Variants in MAX observed in about 807,000 individuals in gnomAD.
The protein encoded by MAX is MYC associated transcriptional regulator X.
A neutral mutation model predicts 22.3 loss-of-function variants in MAX; 3 were observed. The ratio of observed to expected loss-of-function variants is 0.13; its 90% CI spans 0.06 to 0.35. The LOEUF (loss-of-function observed/expected upper bound fraction) is 0.35, where lower values mean the gene tolerates loss of function less well. Ranked by LOEUF, MAX falls within the 10% of genes least tolerant of loss-of-function variation. The pLI is 1.00. For synonymous variants in MAX, 72 were observed against 77.7 expected, an observed-to-expected ratio of 0.93 and a Z score of 0.39; for missense variants, 119 against 209.4, an observed-to-expected ratio of 0.57 and a Z score of 2.66.
chr14:65,076,116 T>C lies in MAX; in HGVS notation c.*360A>G. The C allele has an allele frequency of 7.8e-7, 1 of 1,289,256 alleles. No individual in the cohort carries two copies. Among genetic ancestry groups the C allele is most frequent in the East Asian group, 3.3e-5 (1 of 30,284 alleles). The allele number at this position is 1,289,256 out of a possible 1,614,324, so 79.9% of individuals were successfully genotyped here. A position where few individuals can be genotyped will look rare whatever the true frequency, so the allele number is the denominator to read the frequency against. On this transcript the variant is annotated 3_prime_UTR_variant, in exon 5 of 5. Transcript: ENST00000358664. The surrounding 1 kb of genome is among the most constrained non-coding windows in gnomAD (Gnocchi z 6.6). Reference sequence around the variant, plus strand: ...GCAGGGCAGGCGTCCCCCGGGCATGTGCCCGGCAGGGCTGGAGGAGCTGGT... The same window carrying C: ...GCAGGGCAGGCGTCCCCCGGGCATGCGCCCGGCAGGGCTGGAGGAGCTGGT...
chr14:65,077,264 G>A lies in MAX; in HGVS notation c.296-601C>T. The A allele has an allele frequency of 8.9e-7, 1 of 1,118,028 alleles. No individual in the cohort carries two copies. Among genetic ancestry groups the A allele is most frequent in the Non-Finnish European group, 1.3e-6 (1 of 755,750 alleles). 69.3% of individuals were successfully genotyped at this position (1,118,028 alleles called of 1,614,324 possible). ...ACTGCCCATCCCTTGGTTCAGCTCA[G>A]CTTGAGCCTGGAAGGTCAACCCATT... On this transcript the variant is annotated intron_variant, in intron 4 of 4. Coordinates refer to ENST00000358664, the MANE Select transcript of MAX (RefSeq NM_002382.5). This position sits in a 1 kb window ranked among gnomAD's most constrained non-coding sequence, Gnocchi z 6.3.
chr14:65,052,477 T>G (rs2062638401), intron 3 of MAX, among the ~76,000 whole-genome samples: 2 of 152,254 alleles, frequency 1.3e-5, no homozygotes, highest in African/African-American at 4.8e-5. Context: ...TATATATATT[T>G]TTAATCGATT....
At position 65,076,467 on chromosome 14, in the gene MAX, C is replaced by T; in HGVS notation, c.*9G>A. ...AGACAGTTTTTATTGCTGGCCTGCC[C>T]CGAGTGGCTTAGCTGGCCTCCATCC... On this transcript the variant is annotated 3_prime_UTR_variant, in exon 5 of 5. Coordinates refer to ENST00000358664, the MANE Select transcript of MAX (RefSeq NM_002382.5). The surrounding 1 kb of genome is among the most constrained non-coding windows in gnomAD (Gnocchi z 6.6). 6.2e-7 allele frequency: 1 copy of T among 1,612,960 alleles called. No individual in the cohort carries two copies.
At chr14:65,101,439 G>A (rs1025764494) in intron 2 of MAX, 107 bp downstream of exon 2, 1 of 1,065,384 alleles carries the variant, frequency 9.4e-7, no homozygotes, top group Admixed American at 2.2e-5. Flanking sequence ...TAACATTAGA[G>A]TTTACTACAA....
intron 3 of MAX, among the ~76,000 whole-genome samples, chr14:65,035,425 CT>C (rs2062166334): frequency 6.6e-6 from 1 of 152,192 alleles, no homozygotes; most frequent in Non-Finnish European, 1.5e-5. Flanking sequence ...GGGGGGTTGA[CT>C]GGTTAGGCAC....
Position 65,028,184 on chromosome 14 carries a change from A to C in MAX, c.172-21900T>G, listed in dbSNP as rs2062018123. On this transcript the variant is annotated intron_variant, in intron 3 of 3. Transcript: ENST00000341653. This position sits in a 1 kb window ranked among gnomAD's most constrained non-coding sequence, Gnocchi z 4.4. The stretch of plus-strand genomic sequence containing the variant: ...GAGTGAATTTGATGAAATCATGAGA[A>C]TGTCTAATCCCTGAGGTCCTCCTGA... 6.6e-6 allele frequency among the ~76,000 whole-genome samples: 1 copy of C among 152,146 alleles called. No individual in the cohort carries two copies.
At chr14:65,043,500 G>C (rs1198527280) in intron 3 of MAX, among the ~76,000 whole-genome samples, 6 of 152,296 alleles carry the variant, frequency 3.9e-5, no homozygotes, top group South Asian at 2.1e-4. Context: ...CCAAGTAAAA[G>C]TCAGGAGCAG....
chr14:65,060,812 G>A (rs1320402268), intron 3 of MAX, among the ~76,000 whole-genome samples: 1 of 146,726 alleles, frequency 6.8e-6, no homozygotes, highest in Non-Finnish European at 1.5e-5. Context: ...GGCAGAGGTT[G>A]CAGTGAGCTA....
chr14:65,027,669 C>A lies in MAX; in HGVS notation c.172-21385G>T. On this transcript the variant is annotated intron_variant, in intron 3 of 3. Transcript: ENST00000341653. This position sits in a 1 kb window ranked among gnomAD's most constrained non-coding sequence, Gnocchi z 5.7. ...GCCTGCTGACACGCACTGACTGTTG[C>A]CTCTCCTACCTCTTTCCCTGTTTCT... 6.2e-7 allele frequency: 1 copy of A among 1,614,126 alleles called. No homozygotes were observed. Among genetic ancestry groups the A allele is most frequent in the Non-Finnish European group, 8.5e-7 (1 of 1,180,000 alleles).
chr14:65,093,443 A>G lies in MAX; in HGVS notation c.171+265T>C, dbSNP rs189340906. 8.4e-6 allele frequency: 4 copies of G among 478,408 alleles called. No homozygotes were observed. In the East Asian group the frequency reaches 1.2e-4, roughly 14 times the overall value. 29.6% of individuals were successfully genotyped at this position (478,408 alleles called of 1,614,324 possible). On this transcript the variant is annotated intron_variant, in intron 3 of 4. Transcript: ENST00000358664. This position sits in a 1 kb window ranked among gnomAD's most constrained non-coding sequence, Gnocchi z 4.4. ...TATAGTGTATAGTTATAATTTCTTG[A>G]ATTTATTACAAATAATACAAATTTT...
chr14:65,043,343 G>T (rs1566568131), intron 3 of MAX, among the ~76,000 whole-genome samples: 1 of 152,180 alleles, frequency 6.6e-6, no homozygotes, highest in Non-Finnish European at 1.5e-5. Context: ...TCAAGACCAA[G>T]ACCTATTTTA....
chr14:65,098,555 C>T (rs563681983), intron 2 of MAX, among the ~76,000 whole-genome samples: 1 of 152,320 alleles, frequency 6.6e-6, no homozygotes, highest in African/African-American at 2.4e-5. Flanking sequence ...TATACTTACA[C>T]TCTTTCCTAA....
At chr14:65,033,533 A>G (rs563840969) in intron 3 of MAX, among the ~76,000 whole-genome samples, 5 of 152,320 alleles carry the variant, frequency 3.3e-5, no homozygotes, top group Non-Finnish European at 7.3e-5. Flanking sequence ...TGTTTGCTGT[A>G]CTTTCCTGGA....
chr14:65,041,998 A>C (rs572802658), intron 3 of MAX, among the ~76,000 whole-genome samples: 1 of 152,230 alleles, frequency 6.6e-6, no homozygotes, highest in African/African-American at 2.4e-5. Flanking sequence ...TTTTAGCTTG[A>C]TATTTTTTTC....
At chr14:65,022,565 C>T (rs558089609) in intron 3 of MAX, among the ~76,000 whole-genome samples, 1 of 152,014 alleles carries the variant, frequency 6.6e-6, no homozygotes, top group Non-Finnish European at 1.5e-5. Context: ...TAAGGTCTCG[C>T]TGTATTGCCT....
At position 65,076,469 on chromosome 14, in the gene MAX, G is replaced by A. The variant is rs199514174; in HGVS notation, c.*7C>T. On this transcript the variant is annotated 3_prime_UTR_variant, in exon 5 of 5. Transcript: ENST00000358664. This position sits in a 1 kb window ranked among gnomAD's most constrained non-coding sequence, Gnocchi z 6.6. ...ACAGTTTTTATTGCTGGCCTGCCCC[G>A]AGTGGCTTAGCTGGCCTCCATCCGG... The A allele has an allele frequency of 6.9e-4, 1,118 of 1,613,044 alleles. No homozygotes were observed. Among genetic ancestry groups the A allele is most frequent in the Non-Finnish European group, 9.1e-4 (1,077 of 1,180,016 alleles).
In MAX at chr14:65,084,019, G is replaced by A; in HGVS notation, c.172-5983C>T. ...CTGGAAGGTTGTAAGGCCAGAGTCA[G>A]CACAGACCCATGGCTCCTTGAAGGC... On this transcript the variant is annotated intron_variant, in intron 3 of 4. Transcript: ENST00000358664. This position sits in a 1 kb window ranked among gnomAD's most constrained non-coding sequence, Gnocchi z 4.3. The A allele has an allele frequency of 6.4e-7, 1 of 1,566,018 alleles. No individual in the cohort carries two copies. The highest frequency in any genetic ancestry group is 8.7e-7 in the Non-Finnish European group (1 of 1,154,572).
chr14:65,083,048 A>G (rs1315071132), intron 3 of MAX, among the ~76,000 whole-genome samples: 2 of 152,152 alleles, frequency 1.3e-5, no homozygotes, highest in African/African-American at 4.8e-5. Flanking sequence ...AAGCAAAATG[A>G]ATAATGTAGA....
At position 65,027,434 on chromosome 14, in the gene MAX, C is replaced by T; in HGVS notation, c.172-21150G>A. 6.2e-7 allele frequency: 1 copy of T among 1,611,824 alleles called. No homozygotes were observed. The highest frequency in any genetic ancestry group is 8.5e-7 in the Non-Finnish European group (1 of 1,179,234). On this transcript the variant is annotated intron_variant, in intron 3 of 3. Transcript: ENST00000341653. The surrounding 1 kb of genome is among the most constrained non-coding windows in gnomAD (Gnocchi z 5.7). ...GAATGCTCTCTGACTTTGTTTTTGCCCTTTGGCTGTGTACCTAGTGTGTGT... is the reference window on the plus strand; with the variant it reads ...GAATGCTCTCTGACTTTGTTTTTGCTCTTTGGCTGTGTACCTAGTGTGTGT...
Sources: allele counts gnomAD v4.1 joint callset (sites outside exome capture counted in the v4.1 genomes callset), GRCh38; gene constraint gnomAD v4.1.1; non-coding constraint Gnocchi (gnomAD v3.1); transcripts MANE v1.5; gene names NCBI Gene and HGNC (gene_info 2026-07-23, HGNC 2026-07-21).